The following MAGI3 variants were observed in gnomAD, a reference collection of about 807,000 sequenced individuals.
MAGI3 encodes membrane-associated guanylate kinase, WW and PDZ domain-containing protein 3.
In MAGI3, 43 loss-of-function variants were observed where a neutral mutation model predicts 121.8. The observed-to-expected ratio is 0.35, with a 90% CI of 0.28 to 0.46. The LOEUF (loss-of-function observed/expected upper bound fraction) is 0.46. Ranked by LOEUF, MAGI3 falls within the 20% of genes least tolerant of loss-of-function variation. The probability of loss-of-function intolerance (pLI) is 1.00; values close to 1 mark genes in which losing one functional copy is unlikely to be tolerated. For missense variants in MAGI3, 1,547 were observed against 1,797.3 expected (o/e 0.86, Z 2.52); for synonymous variants, 553 against 639.3 (o/e 0.86, Z 2.04).
intron 1 of MAGI3, among the ~76,000 whole-genome samples, chr1:113,545,929 A>C (rs190749860): frequency 6.6e-6 from 1 of 151,644 alleles, no homozygotes; most frequent in African/African-American, 2.4e-5. Context: ...CCTGTGAACT[A>C]TCCCTAAACA....
At chr1:113,515,922 C>T (rs1657876643) in intron 1 of MAGI3, among the ~76,000 whole-genome samples, 1 of 152,036 alleles carries the variant, frequency 6.6e-6, no homozygotes, top group African/African-American at 2.4e-5. Context: ...GTGCCTGGCA[C>T]TGTTAACATT....
At chr1:113,624,165 C>CA (rs774336495) in intron 9 of MAGI3, among the ~76,000 whole-genome samples, 2 of 152,178 alleles carry the variant, frequency 1.3e-5, no homozygotes, top group Non-Finnish European at 2.9e-5. Context: ...CTGTAACAAA[C>CA]ATGGGAGTGC....
At position 113,685,700 on chromosome 1, in the gene MAGI3, A is replaced by ACTT. The variant is rs1465092570; in HGVS notation, c.*1687_*1689dup. 9.2e-5 allele frequency: 14 copies of ACTT among 152,322 alleles called. No homozygotes were observed. The highest frequency in any genetic ancestry group is 4.6e-4 in the Admixed American group (7 of 15,270). 9.4% of individuals were successfully genotyped at this position (152,322 alleles called of 1,614,324 possible). A position where few individuals can be genotyped will look rare whatever the true frequency, so the allele number is the denominator to read the frequency against. On this transcript the variant is annotated 3_prime_UTR_variant, in exon 21 of 21. Coordinates refer to ENST00000307546, the MANE Select transcript of MAGI3 (RefSeq NM_001142782.2). ...TCCTATTTTTGTTAACTGTGACATA[A>ACTT]CTTTGATGTCATATGTTGTCCTATG...
intron 1 of MAGI3, among the ~76,000 whole-genome samples, chr1:113,521,856 C>G (rs1238312471): frequency 6.6e-6 from 1 of 152,114 alleles, no homozygotes; most frequent in Non-Finnish European, 1.5e-5. Flanking sequence ...TCTGAAATAA[C>G]TGAATTATTA....
intron 1 of MAGI3, among the ~76,000 whole-genome samples, chr1:113,399,056 C>A (rs1046079192): frequency 4.6e-5 from 7 of 151,938 alleles, no homozygotes; most frequent in Admixed American, 4.6e-4. Context: ...CAGCTAACTT[C>A]TGTTCTCAAG....
chr1:113,505,731 C>T (rs776374457), intron 1 of MAGI3, among the ~76,000 whole-genome samples: 3 of 151,988 alleles, frequency 2.0e-5, no homozygotes, highest in Non-Finnish European at 4.4e-5. Flanking sequence ...AATGAAGAAC[C>T]AGCCCAACTG....
intron 1 of MAGI3, among the ~76,000 whole-genome samples, chr1:113,423,900 G>A (rs948405916): frequency 2.0e-5 from 3 of 152,116 alleles, no homozygotes; most frequent in Admixed American, 2.0e-4. Flanking sequence ...GGGTGGGGTG[G>A]GGGCGGGGAC....
intron 9 of MAGI3, among the ~76,000 whole-genome samples, chr1:113,641,065 T>C (rs1448427819): frequency 1.8e-5 from 1 of 54,508 alleles, no homozygotes; most frequent in South Asian, 5.4e-4. Context: ...TTATATATGA[T>C]ATATATAATA....
intron 1 of MAGI3, among the ~76,000 whole-genome samples, chr1:113,413,612 TC>T (rs1324053554): frequency 6.6e-6 from 1 of 152,168 alleles, no homozygotes; most frequent in African/African-American, 2.4e-5. Flanking sequence ...TAAGTTGGAT[TC>T]CTAGGTATTT....
intron 1 of MAGI3, among the ~76,000 whole-genome samples, chr1:113,421,847 T>C (rs1208883352): frequency 6.6e-6 from 1 of 152,114 alleles, no homozygotes; most frequent in East Asian, 1.9e-4. Context: ...CGCTAATGTC[T>C]GAAACCACCT....
intron 1 of MAGI3, among the ~76,000 whole-genome samples, chr1:113,466,350 T>C (rs1257196295): frequency 6.6e-6 from 1 of 152,210 alleles, no homozygotes; most frequent in South Asian, 2.1e-4. Context: ...TTAATCATGG[T>C]GAATGATCTT....
At chr1:113,573,679 G>T (rs1229943758) in intron 2 of MAGI3, among the ~76,000 whole-genome samples, 3 of 152,166 alleles carry the variant, frequency 2.0e-5, no homozygotes, top group Non-Finnish European at 4.4e-5. Flanking sequence ...TTGATTTGGG[G>T]TGAATAGTTC....
chr1:113,519,567 A>G (rs547662883), intron 1 of MAGI3, among the ~76,000 whole-genome samples: 1 of 152,316 alleles, frequency 6.6e-6, no homozygotes, highest in African/African-American at 2.4e-5. Context: ...CTCAGTGCAT[A>G]GTCCTACTAA....
At chr1:113,474,801 A>C (rs1188671269) in intron 1 of MAGI3, among the ~76,000 whole-genome samples, 1 of 152,182 alleles carries the variant, frequency 6.6e-6, no homozygotes, top group Non-Finnish European at 1.5e-5. Context: ...CTTGATGGGG[A>C]TGGCATTGAA....
At chr1:113,582,483 T>C (rs933631001) in intron 3 of MAGI3, among the ~76,000 whole-genome samples, 6 of 152,058 alleles carry the variant, frequency 3.9e-5, no homozygotes, top group African/African-American at 9.7e-5. Context: ...TTAATAGGTC[T>C]TAAGAGGCAT....
chr1:113,631,533 CTT>C (rs1158151764), intron 9 of MAGI3, among the ~76,000 whole-genome samples: 1 of 152,040 alleles, frequency 6.6e-6, no homozygotes, highest in Non-Finnish European at 1.5e-5. Flanking sequence ...TTTTATATAA[CTT>C]TGAGATAATC....
intron 1 of MAGI3, among the ~76,000 whole-genome samples, chr1:113,465,002 T>A (rs1178272252): frequency 6.6e-6 from 1 of 152,190 alleles, no homozygotes. Flanking sequence ...TAGCTTGATA[T>A]AATCCCATTT....
intron 1 of MAGI3, among the ~76,000 whole-genome samples, chr1:113,479,769 C>T (rs1656024453): frequency 6.6e-6 from 1 of 152,064 alleles, no homozygotes; most frequent in African/African-American, 2.4e-5. Context: ...AGACTATCTT[C>T]ACTCTTTTTA....
At chr1:113,526,318 C>A (rs1227479825) in intron 1 of MAGI3, among the ~76,000 whole-genome samples, 1 of 152,114 alleles carries the variant, frequency 6.6e-6, no homozygotes, top group Non-Finnish European at 1.5e-5. Flanking sequence ...TAACTTAGAA[C>A]TGGGAGATTA....
Sources: gnomAD v4.1 joint callset for allele counts (sites outside exome capture counted in the v4.1 genomes callset) on GRCh38, gnomAD v4.1.1 for gene constraint, MANE v1.5 for transcripts, NCBI Gene and HGNC (gene_info 2026-07-23, HGNC 2026-07-21) for gene names.